The following CDH13 variants were observed in gnomAD, a reference collection of about 807,000 sequenced individuals.
CDH13 encodes the protein cadherin-13.
CDH13 carries 24 observed loss-of-function variants against 63.8 expected under a neutral mutation model. That is an observed-to-expected ratio of 0.38 (90% CI 0.27 to 0.53). The LOEUF (loss-of-function observed/expected upper bound fraction) is 0.53. Ranked by LOEUF, CDH13 falls within the 20% of genes least tolerant of loss-of-function variation. The pLI is 0.85. For missense variants in CDH13, 1,049 were observed against 903.1 expected (o/e 1.16, Z -2.07); for synonymous variants, 503 against 355.3 (o/e 1.42, Z -4.67).
At chr16:83,273,425 C>T (rs917218488) in intron 5 of CDH13, among the ~76,000 whole-genome samples, 3 of 152,018 alleles carry the variant, frequency 2.0e-5, no homozygotes, top group African/African-American at 7.3e-5. Context: ...TGTCTATTAG[C>T]TCCCACTTAT....
intron 7 of CDH13, among the ~76,000 whole-genome samples, chr16:83,521,508 T>C (rs4074375): frequency 6.6e-6 from 1 of 152,104 alleles, no homozygotes; most frequent in African/African-American, 2.4e-5. Flanking sequence ...TAAAATGCAG[T>C]TTAAAGACAG....
intron 1 of CDH13, among the ~76,000 whole-genome samples, chr16:82,852,855 C>G (rs904263300): frequency 1.3e-5 from 2 of 152,134 alleles, no homozygotes; most frequent in Non-Finnish European, 2.9e-5. Context: ...TGGCCACATC[C>G]ATCCCTTATG....
intron 2 of CDH13, among the ~76,000 whole-genome samples, chr16:83,020,948 G>T (rs569171907): frequency 6.6e-6 from 1 of 152,186 alleles, no homozygotes; most frequent in Non-Finnish European, 1.5e-5. Flanking sequence ...GTGGAGTAAA[G>T]CTCTCTTCAC....
intron 5 of CDH13, among the ~76,000 whole-genome samples, chr16:83,308,006 T>C (rs1199076074): frequency 6.6e-6 from 1 of 152,210 alleles, no homozygotes; most frequent in African/African-American, 2.4e-5. Context: ...TTTAAATGGT[T>C]CTGTGTGTAA....
At chr16:83,133,316 G>T (rs111586696) in intron 4 of CDH13, among the ~76,000 whole-genome samples, 2 of 152,246 alleles carry the variant, frequency 1.3e-5, no homozygotes, top group African/African-American at 4.8e-5. Flanking sequence ...AACACAAAAA[G>T]AATGGAAAAT....
At chr16:83,290,748 G>C (rs1404115051) in intron 5 of CDH13, among the ~76,000 whole-genome samples, 3 of 152,104 alleles carry the variant, frequency 2.0e-5, no homozygotes, top group African/African-American at 7.2e-5. Context: ...CCTTTCTCGG[G>C]CTCCAAGGCC....
intron 1 of CDH13, among the ~76,000 whole-genome samples, chr16:82,710,611 A>T (rs2031863387): frequency 7.0e-6 from 1 of 142,708 alleles, no homozygotes; most frequent in African/African-American, 2.5e-5. Flanking sequence ...TATATAAAGT[A>T]TATATGATAT....
chr16:82,705,372 A>G (rs967379666), intron 1 of CDH13: 4 of 306,474 alleles, frequency 1.3e-5, no homozygotes, highest in African/African-American at 8.7e-5. Flanking sequence ...TCAATACGCT[A>G]ATACAGTGTC....
intron 3 of CDH13, among the ~76,000 whole-genome samples, chr16:83,108,069 C>T (rs1276786142): frequency 6.6e-6 from 1 of 152,186 alleles, no homozygotes; most frequent in Non-Finnish European, 1.5e-5. Context: ...GATCCACCCA[C>T]CTTGGCCTCC....
chr16:83,319,903 G>A (rs1018017506), intron 5 of CDH13, among the ~76,000 whole-genome samples: 10 of 152,150 alleles, frequency 6.6e-5, no homozygotes, highest in African/African-American at 1.7e-4. Context: ...AAAGCCCAAC[G>A]TAAATGAAAT....
chr16:82,766,575 C>G (rs1249569590), intron 1 of CDH13, among the ~76,000 whole-genome samples: 1 of 152,208 alleles, frequency 6.6e-6, no homozygotes, highest in African/African-American at 2.4e-5. Flanking sequence ...TCCTGAGGCT[C>G]TTGTGAGGAC....
chr16:83,108,581 G>T lies in CDH13; in HGVS notation c.367-16804G>T, dbSNP rs116225483. Among the ~76,000 whole-genome samples the T allele has an allele frequency of 5.3e-3, 814 of 152,282 alleles. 5 individuals are homozygous for T. The highest frequency in any genetic ancestry group is 0.019 in the African/African-American group (778 of 41,564). Reference sequence around the variant, plus strand: ...CCTTAGGCTCCACCCCATCCTCCCAGTGCACAGGTGGGCATTATATAGAAA... The same window carrying T: ...CCTTAGGCTCCACCCCATCCTCCCATTGCACAGGTGGGCATTATATAGAAA... On this transcript the variant is annotated intron_variant, in intron 3 of 13. Coordinates refer to ENST00000567109, the MANE Select transcript of CDH13 (RefSeq NM_001257.5).
chr16:82,646,937 G>C (rs1449077041), intron 1 of CDH13, among the ~76,000 whole-genome samples: 1 of 152,208 alleles, frequency 6.6e-6, no homozygotes, highest in African/African-American at 2.4e-5. Flanking sequence ...TGAAGGCAAC[G>C]TGAGATTGGA....
chr16:82,969,478 C>CTTT (rs10652088), intron 2 of CDH13, among the ~76,000 whole-genome samples: 9,539 of 131,070 alleles, frequency 0.073, 411 homozygotes, highest in East Asian at 0.15. Context: ...TCTGCATATT[C>CTTT]TTTTTTTTTT....
chr16:83,772,941 A>G (rs1914853727), intron 11 of CDH13: 1 of 152,236 alleles, frequency 6.6e-6, no homozygotes, highest in Middle Eastern at 3.2e-3. Context: ...GAGAGATTGA[A>G]CTAACTCTGC....
chr16:83,621,499 T>TTTTTTTG (rs1909813073), intron 8 of CDH13, among the ~76,000 whole-genome samples: 1 of 136,262 alleles, frequency 7.3e-6, no homozygotes, highest in African/African-American at 2.8e-5. Context: ...TTTTTTTTTT[T>TTTTTTTG]TTTTTGAGAT....
Position 83,174,202 on chromosome 16 carries a change from G to A in CDH13, c.484-43143G>A, listed in dbSNP as rs183512019. Among the ~76,000 whole-genome samples the A allele has an allele frequency of 1.3e-3, 203 of 152,122 alleles. 1 individual carries two copies. Among genetic ancestry groups the A allele is most frequent in the African/African-American group, 4.6e-3 (190 of 41,516 alleles). On this transcript the variant is annotated intron_variant, in intron 4 of 13. Coordinates refer to ENST00000567109, the MANE Select transcript of CDH13 (RefSeq NM_001257.5). ...GTACTGAAAAGGATGAGGTCAGTTC[G>A]GGGTCTGTCAAATCAATTGAACATA...
At chr16:82,817,985 A>G (rs962049771) in intron 1 of CDH13, among the ~76,000 whole-genome samples, 3 of 152,226 alleles carry the variant, frequency 2.0e-5, no homozygotes, top group African/African-American at 7.2e-5. Context: ...ATACATTTTT[A>G]TAGAAATGCA....
At chr16:83,503,036 A>G (rs1598170058) in intron 7 of CDH13, among the ~76,000 whole-genome samples, 1 of 152,312 alleles carries the variant, frequency 6.6e-6, no homozygotes, top group East Asian at 1.9e-4. Context: ...AGTTACATAA[A>G]TCCAGCCTTA....
Sources: allele counts gnomAD v4.1 joint callset (sites outside exome capture counted in the v4.1 genomes callset), GRCh38; gene constraint gnomAD v4.1.1; transcripts MANE v1.5; gene names NCBI Gene and HGNC (gene_info 2026-07-23, HGNC 2026-07-21).